CAST: variants seen among roughly 807,000 people sequenced by gnomAD.
The protein encoded by CAST is MIR583 host.
Under a neutral mutation model 119.6 loss-of-function variants are expected in CAST, and 76 were observed. The observed-to-expected ratio is 0.64, with a 90% CI of 0.53 to 0.77. The LOEUF is 0.77. Ranked by LOEUF, CAST falls within the 30% of genes least tolerant of loss-of-function variation. CAST has a pLI of 0.00. For synonymous variants in CAST, 319 were observed against 331.6 expected (o/e 0.96, Z 0.41); for missense variants, 953 against 946.5 (o/e 1.01, Z -0.09).
the CAST span, among the ~76,000 whole-genome samples, chr5:96,494,424 C>T: frequency 1.3e-5 from 2 of 152,096 alleles, no homozygotes; most frequent in Non-Finnish European, 2.9e-5. Context: ...CATGGAATAG[C>T]AAGAACAGAA....
At chr5:96,283,137 A>AAAAAG in the CAST span, among the ~76,000 whole-genome samples, 2 of 132,978 alleles carry the variant, frequency 1.5e-5, no homozygotes, top group Non-Finnish European at 3.1e-5. Context: ...CTCAAAAAAA[A>AAAAAG]AAAAAAAAGA....
chr5:96,086,207 A>AT, the CAST span, among the ~76,000 whole-genome samples: 2,647 of 152,054 alleles, frequency 0.017, 70 homozygotes, highest in African/African-American at 0.06. Flanking sequence ...TTTTTATTTT[A>AT]TTTTTTAATC....
At chr5:96,706,230 G>A (rs1581045993) in intron 3 of CAST, among the ~76,000 whole-genome samples, 2 of 152,284 alleles carry the variant, frequency 1.3e-5, no homozygotes, top group South Asian at 4.1e-4. Context: ...AGTTTTTGAA[G>A]TTTAATATCT....
the CAST span, among the ~76,000 whole-genome samples, chr5:96,082,285 AT>A: frequency 6.6e-6 from 1 of 152,168 alleles, no homozygotes; most frequent in Non-Finnish European, 1.5e-5. Context: ...AGCTTTTTAA[AT>A]GAGTAAATGG....
In CAST at chr5:96,770,539, C is replaced by T. The variant is rs371786334; in HGVS notation, c.2277C>T (p.Cys759=). ...ETSQNTAKDK[C]KKAASSSKAP... is the part of the protein sequence containing the mutation. Reference sequence around the variant, plus strand: ...CATTTCCTTTGCTTTAGGATAAGTGCAAGAAGGCTGCTTCCAGCTCCAAAG... The same window carrying T: ...CATTTCCTTTGCTTTAGGATAAGTGTAAGAAGGCTGCTTCCAGCTCCAAAG... The change falls in exon 30 of 32, where the codon TGC becomes TGT. Residue 759 remains cysteine (C), a synonymous_variant. Coordinates refer to ENST00000675179, the MANE Select transcript of CAST (RefSeq NM_001750.7). 6.2e-7 allele frequency: 1 copy of T among 1,611,668 alleles called. No homozygotes were observed. The highest frequency in any genetic ancestry group is 1.3e-5 in the African/African-American group (1 of 74,954).
chr5:96,750,711 T>C (rs1273377533), intron 20 of CAST, 29 bp downstream of exon 20: 1 of 1,451,384 alleles, frequency 6.9e-7, no homozygotes, highest in Non-Finnish European at 9.7e-7. Context: ...ATTTGAGCAG[T>C]GGCTTGAGAA....
upstream of CAST, among the ~76,000 whole-genome samples, chr5:96,658,554 T>C (rs956384067): frequency 1.3e-5 from 2 of 152,180 alleles, no homozygotes; most frequent in African/African-American, 2.4e-5. Flanking sequence ...AGGTTGCTTC[T>C]TACTGGGGAT....
chr5:96,102,928 A>G, the CAST span, among the ~76,000 whole-genome samples: 1 of 152,110 alleles, frequency 6.6e-6, no homozygotes, highest in African/African-American at 2.4e-5. Context: ...GCAGTGGTGG[A>G]GATAAGAAAA....
the CAST span, among the ~76,000 whole-genome samples, chr5:96,003,821 A>G: frequency 2.0e-5 from 3 of 152,232 alleles, no homozygotes; most frequent in Non-Finnish European, 4.4e-5. Context: ...TTTCCCTTGT[A>G]TAGAACATTT....
intron 1 of CAST, among the ~76,000 whole-genome samples, chr5:96,648,717 C>CGTGTGTGTGTGTGT (rs72068689): frequency 2.2e-4 from 33 of 148,912 alleles, no homozygotes; most frequent in African/African-American, 5.9e-4. Context: ...TATATATATG[C>CGTGTGTGTGTGTGT]GTGTGTGTGT....
chr5:96,369,535 C>T, the CAST span, among the ~76,000 whole-genome samples: 1 of 152,136 alleles, frequency 6.6e-6, no homozygotes, highest in Non-Finnish European at 1.5e-5. Flanking sequence ...CGTGATCTGG[C>T]TGGTTGTTTT....
chr5:96,541,126 A>G (rs545072685), intron 1 of CAST, among the ~76,000 whole-genome samples: 9 of 152,276 alleles, frequency 5.9e-5, no homozygotes, highest in Admixed American at 2.6e-4. Context: ...ATTCTTTTGT[A>G]TGAGAAACTT....
intron 2 of CAST, among the ~76,000 whole-genome samples, chr5:96,687,997 G>A (rs28613847): frequency 0.026 from 3,980 of 152,256 alleles, 186 homozygotes; most frequent in African/African-American, 0.09. Context: ...TTAGACATTT[G>A]TTAAACGTGA....
the CAST span, among the ~76,000 whole-genome samples, chr5:96,221,269 C>A: frequency 6.6e-6 from 1 of 151,960 alleles, no homozygotes; most frequent in African/African-American, 2.4e-5. Context: ...CTAGCCAGAG[C>A]AATCAGGCAA....
At chr5:96,581,101 T>C (rs1746763103) in intron 1 of CAST, among the ~76,000 whole-genome samples, 1 of 152,272 alleles carries the variant, frequency 6.6e-6, no homozygotes, top group Non-Finnish European at 1.5e-5. Flanking sequence ...TATAACATTT[T>C]TTACAGCAGC....
At chr5:96,446,828 T>C in the CAST span, among the ~76,000 whole-genome samples, 1,734 of 152,028 alleles carry the variant, frequency 0.011, 27 homozygotes, top group Non-Finnish European at 0.019. Context: ...AAAAAAAGAG[T>C]TACCTTGAAG....
intron 1 of CAST, among the ~76,000 whole-genome samples, chr5:96,575,607 G>A (rs569052948): frequency 6.6e-6 from 1 of 151,510 alleles, no homozygotes; most frequent in African/African-American, 2.4e-5. Context: ...TTATGAATGA[G>A]CATTGGATTT....
chr5:96,163,329 A>T, the CAST span, among the ~76,000 whole-genome samples: 175 of 152,222 alleles, frequency 1.1e-3, no homozygotes, highest in African/African-American at 4.1e-3. Context: ...CTAAAATTTC[A>T]TTGACCTTTT....
chr5:95,975,197 G>GAAA, the CAST span, among the ~76,000 whole-genome samples: 3 of 152,182 alleles, frequency 2.0e-5, no homozygotes, highest in Admixed American at 2.0e-4. Flanking sequence ...AGAAGTGCTG[G>GAAA]TTTCCTATAG....
Sources: gnomAD v4.1 joint callset for allele counts (sites outside exome capture counted in the v4.1 genomes callset) on GRCh38, gnomAD v4.1.1 for gene constraint, MANE v1.5 for transcripts, NCBI Gene and HGNC (gene_info 2026-07-23, HGNC 2026-07-21) for gene names.